Variants in MARVELD2 observed in about 807,000 individuals in gnomAD.
MARVELD2 encodes the protein MARVEL domain-containing protein 2.
Under a neutral mutation model 57.6 loss-of-function variants are expected in MARVELD2, and 49 were observed. The observed-to-expected ratio is 0.85, with a 90% confidence interval of 0.68 to 1.08. The LOEUF (loss-of-function observed/expected upper bound fraction) is 1.08. MARVELD2 is among the 50% of genes least tolerant of loss of function. The pLI, the probability that MARVELD2 is intolerant of heterozygous loss-of-function variation, is 0.00. For synonymous variants in MARVELD2, 238 were observed against 258.8 expected, an observed-to-expected ratio of 0.92 and a Z score of 0.77; for missense variants, 606 against 701.1, an observed-to-expected ratio of 0.86 and a Z score of 1.53.
chr5:69,419,662 A>G lies in MARVELD2; in HGVS notation c.277A>G (p.Lys93Glu). ...PDSWKNFFRG[K>E]KKDPEWDKPV... Reference sequence around the variant, plus strand: ...CTCCTGGAAGAACTTTTTCAGAGGGAAGAAAAAGGACCCCGAATGGGATAA... The same window carrying G: ...CTCCTGGAAGAACTTTTTCAGAGGGGAGAAAAAGGACCCCGAATGGGATAA... The change falls in exon 2 of 7, where the codon AAG (lysine) becomes GAG (glutamate). Residue 93 changes from lysine to glutamate, a missense_variant. Physicochemically the swap from Lys to Glu is moderately conservative, Grantham distance 56. Transcript: ENST00000325631. The G allele has an allele frequency of 1.2e-6, 2 of 1,614,166 alleles. No homozygotes were observed. Among genetic ancestry groups the G allele is most frequent in the Non-Finnish European group, 8.5e-7 (1 of 1,180,038 alleles).
chr5:69,427,861 G>A (rs944264211), intron 3 of MARVELD2, among the ~76,000 whole-genome samples: 1 of 152,114 alleles, frequency 6.6e-6, no homozygotes, highest in Non-Finnish European at 1.5e-5. Flanking sequence ...CCTGTAATCC[G>A]AGCACTTTGG....
intron 3 of MARVELD2, among the ~76,000 whole-genome samples, chr5:69,430,322 G>A (rs994955518): frequency 1.3e-5 from 2 of 151,036 alleles, no homozygotes; most frequent in Non-Finnish European, 3.0e-5. Flanking sequence ...AGTCGAGATC[G>A]TGCCACTGCA....
intron 1 of MARVELD2, among the ~76,000 whole-genome samples, chr5:69,418,568 T>A (rs1336153702): frequency 6.6e-6 from 1 of 152,222 alleles, no homozygotes; most frequent in African/African-American, 2.4e-5. Flanking sequence ...TTGGTGATGT[T>A]GTCTCTGAGA....
intron 3 of MARVELD2, among the ~76,000 whole-genome samples, chr5:69,424,923 G>T (rs915673745): frequency 6.6e-6 from 1 of 152,058 alleles, no homozygotes; most frequent in African/African-American, 2.4e-5. Context: ...TACTCTGGAG[G>T]CTGAGGCACG....
intron 5 of MARVELD2, among the ~76,000 whole-genome samples, 164 bp downstream of exon 5, chr5:69,433,257 G>T (rs1278083825): frequency 1.3e-5 from 2 of 150,278 alleles, no homozygotes; most frequent in Non-Finnish European, 3.0e-5. Context: ...CCACCTCCTG[G>T]GTTCAAGCAA....
chr5:69,440,428 G>C (rs753049521), intron 5 of MARVELD2, 22 bp from the exon 6 acceptor site: 1 of 1,161,322 alleles, frequency 8.6e-7, no homozygotes, highest in Admixed American at 1.7e-5. Context: ...TTTAACTTAA[G>C]TATACAATGT....
intron 3 of MARVELD2, among the ~76,000 whole-genome samples, chr5:69,430,227 T>C (rs1453235481): frequency 6.6e-6 from 1 of 151,844 alleles, no homozygotes; most frequent in Non-Finnish European, 1.5e-5. Context: ...AATTAGCCAG[T>C]CATGGTGGTG....
chr5:69,431,248 G>C (rs1414615414), intron 3 of MARVELD2, among the ~76,000 whole-genome samples: 1 of 151,570 alleles, frequency 6.6e-6, no homozygotes, highest in Admixed American at 6.6e-5. Flanking sequence ...CCAAGTAGAT[G>C]GGATTACAGG....
intron 1 of MARVELD2, chr5:69,415,641 C>T (rs929424132): frequency 6.6e-6 from 1 of 152,224 alleles, no homozygotes; most frequent in Non-Finnish European, 1.5e-5. Flanking sequence ...TAGTTAGAAC[C>T]GCAGAGCCTT....
intron 5 of MARVELD2, among the ~76,000 whole-genome samples, chr5:69,439,585 C>T (rs1315594552): frequency 6.6e-6 from 1 of 151,724 alleles, no homozygotes; most frequent in African/African-American, 2.4e-5. Context: ...AAAACTCCAT[C>T]TCTACTAAAA....
intron 5 of MARVELD2, among the ~76,000 whole-genome samples, chr5:69,438,892 TA>T (rs199632727): frequency 4.0e-5 from 6 of 148,380 alleles, no homozygotes; most frequent in South Asian, 2.1e-4. Context: ...ATCTCAAAAA[TA>T]AAAAAAAATA....
rs1276995078 is a variant in MARVELD2, at chr5:69,420,546, A to G, written c.1146+15A>G. The G allele has an allele frequency of 3.1e-6, 5 of 1,605,418 alleles. No individual in the cohort carries two copies. The East Asian group carries it at 1.1e-4, about 36-fold the overall frequency. On this transcript the variant is annotated intron_variant, in intron 2 of 6. Coordinates refer to ENST00000325631, the MANE Select transcript of MARVELD2 (RefSeq NM_001038603.3). Reference sequence around the variant, plus strand: ...AACAACAGGAGGTAAGTGATTTCATAATCCCTCATTTGTGTGTGTATGTTT... The same window carrying G: ...AACAACAGGAGGTAAGTGATTTCATGATCCCTCATTTGTGTGTGTATGTTT...
rs530892254 is a variant in MARVELD2 at position 69,441,656 on chromosome 5, G to T, written c.*2G>T. Reference sequence around the variant, plus strand: ...TGGGATGTACAAGGTTATTCTTAACGCTTATTTGAAACCACTTTATTTTTT... The same window carrying T: ...TGGGATGTACAAGGTTATTCTTAACTCTTATTTGAAACCACTTTATTTTTT... On this transcript the variant is annotated 3_prime_UTR_variant, in exon 7 of 7. Transcript: ENST00000325631. 1 of 1,553,192 alleles carries T rather than the reference G, an allele frequency of 6.4e-7. No homozygotes were observed. Among genetic ancestry groups the T allele is most frequent in the Non-Finnish European group, 8.9e-7 (1 of 1,129,020 alleles).
chr5:69,439,787 T>C (rs1391457246), intron 5 of MARVELD2, among the ~76,000 whole-genome samples: 3 of 152,024 alleles, frequency 2.0e-5, no homozygotes, highest in Non-Finnish European at 4.4e-5. Context: ...TTATTATATT[T>C]ATTTATTTAT....
chr5:69,430,926 A>AT (rs923908910), intron 3 of MARVELD2, among the ~76,000 whole-genome samples: 55 of 139,926 alleles, frequency 3.9e-4, no homozygotes, highest in South Asian at 6.9e-4. Context: ...TCTGTTTTTA[A>AT]TTTTTTTTTT....
intron 3 of MARVELD2, among the ~76,000 whole-genome samples, chr5:69,426,320 C>CATCATTATTATTATT (rs1554046974): frequency 2.1e-5 from 3 of 140,116 alleles, no homozygotes; most frequent in South Asian, 4.6e-4. Flanking sequence ...AGATACTGGA[C>CATCATTATTATTATT]ATTATTATTA....
At position 69,440,519 on chromosome 5, in the gene MARVELD2, T is replaced by C. The variant is rs2150934508; in HGVS notation, c.1554+19T>C. On this transcript the variant is annotated intron_variant, in intron 6 of 6. Coordinates refer to ENST00000325631, the MANE Select transcript of MARVELD2 (RefSeq NM_001038603.3). Reference sequence around the variant, plus strand: ...AAAGAATGTGAGTAAAACAGTTTTCTTCAAACTGTATTCTTATCCAAGTAC... The same window carrying C: ...AAAGAATGTGAGTAAAACAGTTTTCCTCAAACTGTATTCTTATCCAAGTAC... 2 of 1,331,088 alleles carry C rather than the reference T, an allele frequency of 1.5e-6. No homozygotes were observed. Among genetic ancestry groups the C allele is most frequent in the East Asian group, 4.6e-5 (2 of 43,060 alleles). The allele number at this position is 1,331,088 out of a possible 1,614,324, so 82.5% of individuals were successfully genotyped here.
At position 69,430,377 on chromosome 5, in the gene MARVELD2, A is replaced by G. The variant is rs965612770; in HGVS notation, c.1183-2150A>G. Among the ~76,000 whole-genome samples, 4 of 151,938 alleles carry G rather than the reference A, an allele frequency of 2.6e-5. No individual in the cohort carries two copies. The East Asian group carries it at 5.8e-4, about 22-fold the overall frequency. ...ACGAGACTCTGTCTCAAGAAAAAAT[A>G]TATTTTTTTAATTTTTTTTGTAGAG... On this transcript the variant is annotated intron_variant, in intron 3 of 6. Coordinates refer to ENST00000325631, the MANE Select transcript of MARVELD2 (RefSeq NM_001038603.3).
At chr5:69,423,630 C>G (rs931643804) in intron 2 of MARVELD2, among the ~76,000 whole-genome samples, 2 of 152,002 alleles carry the variant, frequency 1.3e-5, no homozygotes, top group Admixed American at 6.6e-5. Context: ...TGTGATCTCT[C>G]TCTCTATATA....
Sources: allele counts gnomAD v4.1 joint callset (sites outside exome capture counted in the v4.1 genomes callset), GRCh38; gene constraint gnomAD v4.1.1; transcripts MANE v1.5; gene names NCBI Gene and HGNC (gene_info 2026-07-23, HGNC 2026-07-21).